Variants in NUP43 observed in about 807,000 individuals in gnomAD.
NUP43 encodes nucleoporin Nup43.
A neutral mutation model predicts 47.3 loss-of-function variants in NUP43; 32 were observed. The ratio of observed to expected loss-of-function variants is 0.68; its 90% CI spans 0.51 to 0.91. The LOEUF (loss-of-function observed/expected upper bound fraction) is 0.91. Among genes scored for constraint, NUP43 ranks in the 40% least tolerant of loss-of-function variants. The probability of loss-of-function intolerance (pLI) is 0.00; values close to 1 mark genes in which losing one functional copy is unlikely to be tolerated. For missense variants in NUP43, 444 were observed against 453.9 expected (o/e 0.98, Z 0.20); for synonymous variants, 147 against 158.4 (o/e 0.93, Z 0.54).
At chr6:149,747,489 T>C (rs867968373), upstream of NUP43, among the ~76,000 whole-genome samples, 27 of 150,172 alleles carry the variant, frequency 1.8e-4, no homozygotes, top group Middle Eastern at 0.01. Context: ...GATTTCACCA[T>C]ATTGGCCAGG....
chr6:149,731,438 T>TTA, intron 7 of NUP43, 175 bp downstream of exon 7: 3 of 483,200 alleles, frequency 6.2e-6, no homozygotes, highest in Non-Finnish European at 1.1e-5. Context: ...GGTGCATGAC[T>TTA]AGTAGTCCTG....
At chr6:149,728,978 G>A (rs1304232068) in intron 7 of NUP43, among the ~76,000 whole-genome samples, 1 of 151,878 alleles carries the variant, frequency 6.6e-6, no homozygotes, top group East Asian at 1.9e-4. Flanking sequence ...CAGTGTATTT[G>A]GCCATGTTAT....
rs745669512 is a variant in NUP43 at position 149,738,640 on chromosome 6, T to TA, written c.638+2dup. ...ATTACTGAAATTACAAATCAACACT[T>TA]ACAGTGACAATATCTGAGAAGGCTC... On this transcript the variant is annotated splice_region_variant and intron_variant, in intron 5 of 7. Transcript: ENST00000340413. 15 of 1,557,276 alleles carry TA rather than the reference T, an allele frequency of 9.6e-6. No homozygotes were observed. Among genetic ancestry groups the TA allele is most frequent in the Non-Finnish European group, 9.5e-6 (11 of 1,154,914 alleles).
intron 4 of NUP43, among the ~76,000 whole-genome samples, chr6:149,741,429 C>G (rs531744297): frequency 6.6e-6 from 1 of 152,184 alleles, no homozygotes; most frequent in African/African-American, 2.4e-5. Flanking sequence ...TCGCCTTTGC[C>G]TCCTAAGGTG....
Position 149,743,658 on chromosome 6 carries a change from G to T in NUP43, c.301C>A (p.Leu101Ile). ...ASSTGCVTVF[L>I]HHPNNQTLSV... ...TTTACCTGGTTATTTGGATGGTGAAGGAAAACTGTTACACATCCTGTTGAT... is the reference window on the plus strand; with the variant it reads ...TTTACCTGGTTATTTGGATGGTGAATGAAAACTGTTACACATCCTGTTGAT... The change falls in exon 3 of 8, where the codon CTT becomes ATT. Residue 101 changes from leucine (L) to isoleucine (I), a missense_variant. Transcript: ENST00000340413. 1 of 1,607,006 alleles carries T rather than the reference G, an allele frequency of 6.2e-7. No individual in the cohort carries two copies. Among genetic ancestry groups the T allele is most frequent in the Non-Finnish European group, 8.5e-7 (1 of 1,175,524 alleles).
At chr6:149,746,675 C>T (rs1582989868), upstream of NUP43, 1 of 1,548,326 alleles carries the variant, frequency 6.5e-7, no homozygotes, top group Non-Finnish European at 8.7e-7. Context: ...AGAGGCCCAC[C>T]CATCTCACAG....
chr6:149,727,836 T>C (rs1784861329), intron 7 of NUP43: 1 of 985,222 alleles, frequency 1.0e-6, no homozygotes, highest in Non-Finnish European at 1.2e-6. Flanking sequence ...AGGCAGTATA[T>C]TTCAATTTTA....
At chr6:149,745,488 G>C (rs1785935863) in intron 2 of NUP43, among the ~76,000 whole-genome samples, 1 of 151,738 alleles carries the variant, frequency 6.6e-6, no homozygotes, top group Non-Finnish European at 1.5e-5. Context: ...TCACTAAATC[G>C]TGGTAAATCT....
chr6:149,726,903 G>C lies in NUP43; in HGVS notation c.*66C>G. On this transcript the variant is annotated 3_prime_UTR_variant, in exon 8 of 8. Transcript: ENST00000340413. ...TCGTATTTTCTGATACTAAAATTTTGCACAGAAGTTGGATTTCAAAAGGCT... is the reference window on the plus strand; with the variant it reads ...TCGTATTTTCTGATACTAAAATTTTCCACAGAAGTTGGATTTCAAAAGGCT... 1.7e-6 allele frequency: 2 copies of C among 1,211,696 alleles called. No homozygotes were observed. Among genetic ancestry groups the C allele is most frequent in the South Asian group, 2.6e-5 (2 of 77,830 alleles). The allele number at this position is 1,211,696 out of a possible 1,614,324, so 75.1% of individuals were successfully genotyped here.
At chr6:149,741,724 CT>C (rs1389351264) in intron 4 of NUP43, among the ~76,000 whole-genome samples, 1 of 152,070 alleles carries the variant, frequency 6.6e-6, no homozygotes, top group African/African-American at 2.4e-5. Flanking sequence ...CCAGGATGAT[CT>C]TGATCGCTTG....
intron 6 of NUP43, among the ~76,000 whole-genome samples, chr6:149,732,832 C>T (rs1211054053): frequency 4.4e-4 from 66 of 151,724 alleles, no homozygotes; most frequent in Middle Eastern, 3.4e-3. Context: ...GCAAAAAGAG[C>T]AAAACTACGT....
At position 149,725,642 on chromosome 6, in the gene NUP43, A is replaced by G. The variant is rs1210894430; in HGVS notation, c.*1327T>C. Reference sequence around the variant, plus strand: ...AAAAGCAAAACCTTACCATAATTCCATAACTATGATTATTGGAATTACAAA... The same window carrying G: ...AAAAGCAAAACCTTACCATAATTCCGTAACTATGATTATTGGAATTACAAA... On this transcript the variant is annotated 3_prime_UTR_variant, in exon 8 of 8. Transcript: ENST00000340413. 1 of 152,154 alleles carries G rather than the reference A, an allele frequency of 6.6e-6. No homozygotes were observed. The highest frequency in any genetic ancestry group is 1.5e-5 in the Non-Finnish European group (1 of 68,032). The allele number at this position is 152,154 out of a possible 1,614,324, so 9.4% of individuals were successfully genotyped here. A position where few individuals can be genotyped will look rare whatever the true frequency, so the allele number is the denominator to read the frequency against.
At chr6:149,738,182 T>C (rs945376177) in intron 5 of NUP43, among the ~76,000 whole-genome samples, 1 of 152,196 alleles carries the variant, frequency 6.6e-6, no homozygotes, top group African/African-American at 2.4e-5. Context: ...AACTCATACA[T>C]CAATTATATA....
At chr6:149,728,151 T>A in intron 7 of NUP43, 1 of 985,322 alleles carries the variant, frequency 1.0e-6, no homozygotes, top group Non-Finnish European at 1.2e-6. Flanking sequence ...TAACAATTCT[T>A]ATATCCTAAT....
At chr6:149,734,407 G>A (rs1430212945) in intron 6 of NUP43, among the ~76,000 whole-genome samples, 1 of 151,960 alleles carries the variant, frequency 6.6e-6, no homozygotes, top group Non-Finnish European at 1.5e-5. Context: ...GGCTGAGGTG[G>A]GAGGACTGAT....
Position 149,742,371 on chromosome 6 carries a change from A to G in NUP43, c.502+19T>C. The stretch of plus-strand genomic sequence containing the variant: ...GAGACTAGGTTTCGCCATGTTGGCC[A>G]GGCTGGGATTTTTCTTACCTATGGT... On this transcript the variant is annotated intron_variant, in intron 4 of 7. Coordinates refer to ENST00000340413, the MANE Select transcript of NUP43 (RefSeq NM_198887.3). 1 of 1,611,348 alleles carries G rather than the reference A, an allele frequency of 6.2e-7. No individual in the cohort carries two copies. The highest frequency in any genetic ancestry group is 1.1e-5 in the South Asian group (1 of 91,000).
intron 4 of NUP43, among the ~76,000 whole-genome samples, chr6:149,741,924 T>C (rs1022833645): frequency 6.6e-6 from 1 of 151,838 alleles, no homozygotes; most frequent in Non-Finnish European, 1.5e-5. Context: ...CAGAGTGCCA[T>C]CATAGCTCAC....
At chr6:149,730,785 A>T (rs1248697600) in intron 7 of NUP43, among the ~76,000 whole-genome samples, 2 of 151,764 alleles carry the variant, frequency 1.3e-5, no homozygotes, top group African/African-American at 4.8e-5. Flanking sequence ...TTAAAAAAAA[A>T]AAATTAGCTG....
chr6:149,746,046 A>G lies in NUP43; in HGVS notation c.137T>C (p.Leu46Pro). 1 of 1,613,422 alleles carries G rather than the reference A, an allele frequency of 6.2e-7. No homozygotes were observed. The highest frequency in any genetic ancestry group is 8.5e-7 in the Non-Finnish European group (1 of 1,179,832). The change falls in exon 2 of 8, where the codon CTG (leucine) becomes CCG (proline). Residue 46 changes from leucine to proline, a missense_variant. Transcript: ENST00000340413. ...GTTTCCAAAATCTCCAATAGACCAC[A>G]GTGAAATATAATTTTCCTGTAAAAC... is the stretch of plus-strand genomic sequence containing the variant. ...SWDNEENYIS[L>P]WSIGDFGNLD...
Sources: allele counts gnomAD v4.1 joint callset (sites outside exome capture counted in the v4.1 genomes callset), GRCh38; gene constraint gnomAD v4.1.1; transcripts MANE v1.5; gene names NCBI Gene and HGNC (gene_info 2026-07-23, HGNC 2026-07-21).